Variants in SP100 observed in about 807,000 individuals in gnomAD.
The protein encoded by SP100 is SP100 nuclear body protein.
Under a neutral mutation model 130.0 loss-of-function variants are expected in SP100, and 84 were observed. The ratio of observed to expected loss-of-function variants is 0.65; its 90% confidence interval spans 0.54 to 0.77. The LOEUF (loss-of-function observed/expected upper bound fraction) is 0.77. Among genes scored for constraint, SP100 ranks in the 30% least tolerant of loss-of-function variants. SP100 has a pLI of 0.00. For missense variants in SP100, 978 were observed against 1,052.2 expected (o/e 0.93, Z 0.97); for synonymous variants, 331 against 351.7 (o/e 0.94, Z 0.66).
rs200907752 is a variant in SP100, at chr2:230,466,359, GAGAA to G, written c.1195+8_1195+11del. 14 of 1,478,094 alleles carry G rather than the reference GAGAA, an allele frequency of 9.5e-6. No individual in the cohort carries two copies. In the East Asian group the frequency reaches 2.9e-4, roughly 31 times the overall value. 91.6% of individuals were successfully genotyped at this position (1,478,094 alleles called of 1,614,324 possible). On this transcript the variant is annotated splice_donor_region_variant and intron_variant, in intron 12 of 28. Transcript: ENST00000340126. ...GAGAAAGTTTTAAGAAAAGAGGTAAGAGAAAGCTTTAGGAAAAGAGGTAAGAGAA... is the reference window on the plus strand; with the variant it reads ...GAGAAAGTTTTAAGAAAAGAGGTAAGAGCTTTAGGAAAAGAGGTAAGAGAA...
intron 2 of SP100, among the ~76,000 whole-genome samples, chr2:230,434,988 A>G (rs1413038895): frequency 6.6e-6 from 1 of 152,194 alleles, no homozygotes; most frequent in East Asian, 1.9e-4. Flanking sequence ...TTGTTTTTAT[A>G]AGATGGATGT....
intron 24 of SP100, among the ~76,000 whole-genome samples, chr2:230,517,638 G>T (rs1575794744): frequency 6.6e-6 from 1 of 151,986 alleles, no homozygotes; most frequent in Admixed American, 6.6e-5. Flanking sequence ...GGTGGCATGT[G>T]CCTGTAGTCT....
intron 24 of SP100, chr2:230,537,854 A>G (rs763011826): frequency 3.3e-5 from 5 of 152,202 alleles, no homozygotes; most frequent in Admixed American, 2.0e-4. Flanking sequence ...AATTGCCACA[A>G]TTGTGTAGGG....
At chr2:230,462,697 T>C (rs188028326) in intron 10 of SP100, 179 bp downstream of exon 10, 412 of 584,930 alleles carry the variant, frequency 7.0e-4, no homozygotes, top group Non-Finnish European at 1.1e-3. Flanking sequence ...CAAGAAATTG[T>C]TATAAACTTA....
chr2:230,460,423 G>A lies in SP100; in HGVS notation c.821-839G>A, dbSNP rs1480061298. ...ATATATTGAGAGAGAGGTAAAGGGA[G>A]AAAGAAAGAGTGGAGAGAAAAGAGA... On this transcript the variant is annotated intron_variant, in intron 8 of 28. Transcript: ENST00000340126. 5.4e-5 allele frequency among the ~76,000 whole-genome samples: 6 copies of A among 111,758 alleles called. No individual in the cohort carries two copies. The Admixed American group carries it at 6.1e-4, about 11-fold the overall frequency. The allele number at this position is 111,758 out of a possible 152,430, so 73.3% of individuals were successfully genotyped here.
In SP100 at chr2:230,545,554, AG is replaced by A. The variant is rs1209266915; in HGVS notation, c.*2609del. On this transcript the variant is annotated 3_prime_UTR_variant, in exon 29 of 29. Coordinates refer to ENST00000340126, the MANE Select transcript of SP100 (RefSeq NM_001080391.2). ...CTTCACATATACCCCTGAACCTAAAAGTTTTTTTAATTGTAAATAAATGGAT... is the reference window on the plus strand; with the variant it reads ...CTTCACATATACCCCTGAACCTAAAATTTTTTTAATTGTAAATAAATGGAT... Among the ~76,000 whole-genome samples, 1 of 152,144 alleles carries A rather than the reference AG, an allele frequency of 6.6e-6. No individual in the cohort carries two copies. The highest frequency in any genetic ancestry group is 1.5e-5 in the Non-Finnish European group (1 of 68,032).
At chr2:230,496,052 A>G (rs964570385) in intron 18 of SP100, among the ~76,000 whole-genome samples, 1 of 152,094 alleles carries the variant, frequency 6.6e-6, no homozygotes, top group Admixed American at 6.6e-5. Flanking sequence ...TTTTATTTCT[A>G]TACCTATCTG....
chr2:230,485,453 T>C (rs1233093119), intron 17 of SP100, among the ~76,000 whole-genome samples: 1 of 152,194 alleles, frequency 6.6e-6, no homozygotes, highest in African/African-American at 2.4e-5. Context: ...ATCAATCATA[T>C]TGATCCTGTT....
chr2:230,444,612 A>G, intron 4 of SP100, among the ~76,000 whole-genome samples: 1 of 152,228 alleles, frequency 6.6e-6, no homozygotes, highest in East Asian at 1.9e-4. Context: ...AGTATAGGAT[A>G]AGAAACAGAA....
chr2:230,512,116 C>T (rs750715364), intron 24 of SP100, among the ~76,000 whole-genome samples: 1 of 152,076 alleles, frequency 6.6e-6, no homozygotes, highest in Non-Finnish European at 1.5e-5. Context: ...ATCCTCCCAA[C>T]TCAGCCTCCC....
intron 19 of SP100, among the ~76,000 whole-genome samples, chr2:230,502,390 C>T (rs2067086097): frequency 6.6e-6 from 1 of 152,126 alleles, no homozygotes; most frequent in Non-Finnish European, 1.5e-5. Flanking sequence ...TGTCTTGAGA[C>T]CTTATGTTTC....
At chr2:230,517,563 ACCAG>A (rs1287433388) in intron 24 of SP100, among the ~76,000 whole-genome samples, 1 of 152,164 alleles carries the variant, frequency 6.6e-6, no homozygotes, top group Non-Finnish European at 1.5e-5. Context: ...GAAATTTGAG[ACCAG>A]CCTGGTCAAC....
intron 1 of SP100, 47 bp from the exon 2 acceptor site, chr2:230,417,544 G>A (rs1559476553): frequency 2.5e-6 from 4 of 1,584,390 alleles, no homozygotes; most frequent in Non-Finnish European, 3.4e-6. Flanking sequence ...AATTATTGAG[G>A]CAAAGGGTCC....
chr2:230,535,937 A>G (rs927998817), intron 24 of SP100, among the ~76,000 whole-genome samples: 2 of 136,954 alleles, frequency 1.5e-5, no homozygotes, highest in African/African-American at 5.3e-5. Flanking sequence ...AAAAAAAAAG[A>G]ATATGTTTTC....
rs182683899 is a variant in SP100, at chr2:230,498,422, T to C, written c.1646-39T>C. 2.4e-5 allele frequency: 32 copies of C among 1,316,098 alleles called. No homozygotes were observed. In the Admixed American group the frequency reaches 6.5e-4, roughly 27 times the overall value. The allele number at this position is 1,316,098 out of a possible 1,614,324, so 81.5% of individuals were successfully genotyped here. ...AGCACTATTATATATAATGTGAGTTTTTTACACCATCCATATTTATATTTT... is the reference window on the plus strand; with the variant it reads ...AGCACTATTATATATAATGTGAGTTCTTTACACCATCCATATTTATATTTT... On this transcript the variant is annotated intron_variant, in intron 18 of 28. Transcript: ENST00000340126.
At chr2:230,484,792 C>G (rs2065988308) in intron 17 of SP100, among the ~76,000 whole-genome samples, 1 of 152,102 alleles carries the variant, frequency 6.6e-6, no homozygotes, top group Admixed American at 6.6e-5. Context: ...TTAATTGCTT[C>G]CCTTGGGTTT....
At chr2:230,503,234 AC>A in intron 20 of SP100, 124 bp downstream of exon 20, 1 of 585,676 alleles carries the variant, frequency 1.7e-6, no homozygotes, top group Non-Finnish European at 2.9e-6. Flanking sequence ...CTTAACGTTG[AC>A]CAGCAGTTCA....
At chr2:230,531,831 C>T (rs1358469316) in intron 24 of SP100, among the ~76,000 whole-genome samples, 1 of 152,086 alleles carries the variant, frequency 6.6e-6, no homozygotes, top group South Asian at 2.1e-4. Flanking sequence ...ACAAAATATG[C>T]ATCATATGTT....
intron 24 of SP100, among the ~76,000 whole-genome samples, chr2:230,525,537 C>A (rs1448089000): frequency 6.6e-6 from 1 of 152,056 alleles, no homozygotes; most frequent in African/African-American, 2.4e-5. Context: ...ACAGAGGTAC[C>A]TGGTTCATCT....
Sources: gnomAD v4.1 joint callset for allele counts (sites outside exome capture counted in the v4.1 genomes callset) on GRCh38, gnomAD v4.1.1 for gene constraint, MANE v1.5 for transcripts, NCBI Gene and HGNC (gene_info 2026-07-23, HGNC 2026-07-21) for gene names.